MGAT5B: variants seen among roughly 807,000 people sequenced by gnomAD.
MGAT5B encodes the protein N-acetylglucosaminyl-transferase Vb.
MGAT5B carries 54 observed loss-of-function variants against 95.1 expected under a neutral mutation model. That is an observed-to-expected ratio of 0.57 (90% CI 0.46 to 0.71). The LOEUF (loss-of-function observed/expected upper bound fraction) is 0.71, where lower values mean the gene tolerates loss of function less well. Ranked by LOEUF, MGAT5B falls within the 30% of genes least tolerant of loss-of-function variation. The probability of loss-of-function intolerance (pLI) is 0.00; values close to 1 mark genes in which losing one functional copy is unlikely to be tolerated. For synonymous variants in MGAT5B, 464 were observed against 451.0 expected (o/e 1.03, Z -0.36); for missense variants, 935 against 1,088.6 (o/e 0.86, Z 1.99).
rs763650567 is a variant in MGAT5B, at chr17:76,918,201, G to A, written c.1026-6765G>A. 7.2e-5 allele frequency among the ~76,000 whole-genome samples: 11 copies of A among 152,010 alleles called. No individual in the cohort carries two copies. Among genetic ancestry groups the A allele is most frequent in the East Asian group, 1.9e-4 (1 of 5,150 alleles). On this transcript the variant is annotated intron_variant, in intron 8 of 17. Transcript: ENST00000569840. The surrounding 1 kb of genome is among the most constrained non-coding windows in gnomAD (Gnocchi z 5.1). ...GGAGGCTCCCCCCCAACAACTGCAC[G>A]CCTTGTACCGCACCCCCACCCCCGC...
At position 76,896,090 on chromosome 17, in the gene MGAT5B, G is replaced by A. The variant is rs571695949; in HGVS notation, c.330-6465G>A. Among the ~76,000 whole-genome samples, 24 of 152,312 alleles carry A rather than the reference G, an allele frequency of 1.6e-4. No homozygotes were observed. In the South Asian group the frequency reaches 3.7e-3, roughly 24 times the overall value. Reference sequence around the variant, plus strand: ...GGCCCTGTGTTCCCCAGACCACATAGGCTGAAGGCCATTGGCCACCATCCC... The same window carrying A: ...GGCCCTGTGTTCCCCAGACCACATAAGCTGAAGGCCATTGGCCACCATCCC... On this transcript the variant is annotated intron_variant, in intron 3 of 17. Transcript: ENST00000569840.
intron 10 of MGAT5B, among the ~76,000 whole-genome samples, chr17:76,929,639 G>A (rs904255120): frequency 2.6e-5 from 4 of 152,246 alleles, no homozygotes; most frequent in Admixed American, 1.3e-4. Context: ...TGGATAAATC[G>A]AAGAAAGTGG....
At chr17:76,876,720 G>A (rs1449269232) in intron 2 of MGAT5B, among the ~76,000 whole-genome samples, 1 of 152,198 alleles carries the variant, frequency 6.6e-6, no homozygotes, top group African/African-American at 2.4e-5. Flanking sequence ...GTACTTTGGG[G>A]ATGAAATGTG....
intron 12 of MGAT5B, among the ~76,000 whole-genome samples, chr17:76,937,444 GGGAT>G (rs1969712474): frequency 6.6e-6 from 1 of 151,970 alleles, no homozygotes; most frequent in East Asian, 1.9e-4. Flanking sequence ...ATGTTTGAGA[GGGAT>G]GGATGGGTGA....
chr17:76,932,729 C>T lies in MGAT5B; in HGVS notation c.1376C>T (p.Ala459Val), dbSNP rs748366803. The change falls in exon 11 of 18, where the codon GCC becomes GTC. Residue 459 changes from alanine to valine, a missense_variant. This residue lies in a region of MGAT5B where 440 missense variants were observed against 523.6 expected (regional missense o/e 0.84). Coordinates refer to ENST00000569840, the MANE Select transcript of MGAT5B (RefSeq NM_001199172.2). The part of the protein sequence containing the change: ...TEKRLIKGGK[A>V]SNMAVVYGKE... ...AAGCGGCTCATCAAAGGCGGCAAGG[C>T]CAGCAACATGGCCGTGGTGTACGGC... The T allele has an allele frequency of 6.2e-7, 1 of 1,613,934 alleles. No individual in the cohort carries two copies. The highest frequency in any genetic ancestry group is 8.5e-7 in the Non-Finnish European group (1 of 1,179,942).
Position 76,938,064 on chromosome 17 carries a change from C to T in MGAT5B, c.1505C>T (p.Pro502Leu). 6.2e-7 allele frequency: 1 copy of T among 1,614,268 alleles called. No homozygotes were observed. The highest frequency in any genetic ancestry group is 8.5e-7 in the Non-Finnish European group (1 of 1,180,052). The change falls in exon 13 of 18, where the codon CCC (proline) becomes CTC (leucine). Residue 502 changes from proline (P) to leucine (L), a missense_variant. By Grantham distance (98) the Pro-to-Leu change is moderately conservative (BLOSUM62 -3). Coordinates refer to ENST00000569840, the MANE Select transcript of MGAT5B (RefSeq NM_001199172.2). The surrounding 1 kb of genome is among the most constrained non-coding windows in gnomAD (Gnocchi z 4.3). ...HGTVYYESQR[P>L]PEVPAFVKNH... is the part of the protein sequence containing the mutation. ...ACCGTGTACTACGAGAGCCAGCGGC[C>T]CCCCGAGGTGCCAGCCTTTGTGAAG...
intron 2 of MGAT5B, among the ~76,000 whole-genome samples, chr17:76,876,692 T>C (rs986279185): frequency 6.6e-6 from 1 of 152,182 alleles, no homozygotes; most frequent in Non-Finnish European, 1.5e-5. Flanking sequence ...TGCCTGTTTA[T>C]ACTTCATGAT....
rs1968532138 is a variant in MGAT5B, at chr17:76,906,427, C to T, written c.1025+240C>T. Among the ~76,000 whole-genome samples the T allele has an allele frequency of 6.6e-6, 1 of 152,374 alleles. No homozygotes were observed. The highest frequency in any genetic ancestry group is 6.5e-5 in the Admixed American group (1 of 15,310). Reference sequence around the variant, plus strand: ...TTTGCATAGCGCTGTCTGGCCAGGGCCTGGCTCCTTCTCTGGTGTTTCTGC... The same window carrying T: ...TTTGCATAGCGCTGTCTGGCCAGGGTCTGGCTCCTTCTCTGGTGTTTCTGC... On this transcript the variant is annotated intron_variant, in intron 8 of 17. Coordinates refer to ENST00000569840, the MANE Select transcript of MGAT5B (RefSeq NM_001199172.2). The surrounding 1 kb of genome is among the most constrained non-coding windows in gnomAD (Gnocchi z 4.6).
rs142499529 is a variant in MGAT5B at position 76,923,088 on chromosome 17, T to A, written c.1026-1878T>A. Among the ~76,000 whole-genome samples the A allele has an allele frequency of 1.7e-3, 253 of 152,292 alleles. 1 individual carries two copies. The highest frequency in any genetic ancestry group is 5.7e-3 in the African/African-American group (238 of 41,572). On this transcript the variant is annotated intron_variant, in intron 8 of 17. Coordinates refer to ENST00000569840, the MANE Select transcript of MGAT5B (RefSeq NM_001199172.2). ...TGTCGGCAGGTGACCAGAAACATCA[T>A]CGACACGGCACCACTTTGGACGGTG...
Position 76,940,989 on chromosome 17 carries a change from CAG to C in MGAT5B, c.1848+143_1848+144del, listed in dbSNP as rs1342307663. On this transcript the variant is annotated intron_variant, in intron 15 of 17. Transcript: ENST00000569840. The surrounding 1 kb of genome is among the most constrained non-coding windows in gnomAD (Gnocchi z 4.3). ...CAAAGGTGTCCATCCCTCCCCTGGT[CAG>C]ACACAGCCCTGAGCCAGGGCATGTG... 3.1e-6 allele frequency: 2 copies of C among 645,210 alleles called. No homozygotes were observed. The highest frequency in any genetic ancestry group is 1.8e-5 in the African/African-American group (1 of 55,374). 40.0% of individuals were successfully genotyped at this position (645,210 alleles called of 1,614,324 possible).
At chr17:76,909,738 G>A (rs1369499226) in intron 8 of MGAT5B, among the ~76,000 whole-genome samples, 1 of 152,236 alleles carries the variant, frequency 6.6e-6, no homozygotes, top group East Asian at 1.9e-4. Flanking sequence ...GTATTGAGTA[G>A]TGGGAGAAGG....
At chr17:76,934,685 G>C (rs933920219) in intron 12 of MGAT5B, among the ~76,000 whole-genome samples, 1 of 152,208 alleles carries the variant, frequency 6.6e-6, no homozygotes, top group Non-Finnish European at 1.5e-5. Context: ...AAGAGAATGA[G>C]AGGTTATGAA....
rs1968549268 is a variant in MGAT5B at position 76,906,877 on chromosome 17, A to G, written c.1025+690A>G. Among the ~76,000 whole-genome samples, 1 of 152,090 alleles carries G rather than the reference A, an allele frequency of 6.6e-6. No individual in the cohort carries two copies. The highest frequency in any genetic ancestry group is 2.1e-4 in the South Asian group (1 of 4,810). On this transcript the variant is annotated intron_variant, in intron 8 of 17. Transcript: ENST00000569840. This position sits in a 1 kb window ranked among gnomAD's most constrained non-coding sequence, Gnocchi z 4.6. The stretch of plus-strand genomic sequence containing the variant: ...TTATTGTAAGATATATGATGCATAC[A>G]AAGTCTATGTAAAGTATGTTGTGAA...
chr17:76,922,455 C>A (rs1969149962), intron 8 of MGAT5B, among the ~76,000 whole-genome samples: 1 of 152,168 alleles, frequency 6.6e-6, no homozygotes, highest in African/African-American at 2.4e-5. Context: ...CTTTCTGGGC[C>A]ATCAGTTTTA....
At chr17:76,897,252 C>T (rs567750072) in intron 3 of MGAT5B, among the ~76,000 whole-genome samples, 1 of 152,128 alleles carries the variant, frequency 6.6e-6, no homozygotes, top group Non-Finnish European at 1.5e-5. Context: ...AAAACCATTT[C>T]CCCTCAGTTC....
intron 2 of MGAT5B, among the ~76,000 whole-genome samples, chr17:76,881,219 T>G (rs1010238934): frequency 4.6e-5 from 7 of 152,170 alleles, no homozygotes; most frequent in African/African-American, 1.7e-4. Flanking sequence ...AAGGAAGCCG[T>G]GGAGGACTGC....
rs33966966 is a variant in MGAT5B, at chr17:76,926,624, C to T, written c.1185C>T (p.Phe395=). 0.18 allele frequency: 297,396 copies of T among 1,612,142 alleles called. 30,010 individuals carry two copies. The highest frequency in any genetic ancestry group is 0.41 in the East Asian group (18,443 of 44,844). ...GCCGAATCAGGGTCATCGACACCTT[C>T]GGGACGGAACCTGCGTACAACCACG... The part of the protein sequence containing the change: ...YRCRIRVIDT[F]GTEPAYNHEE... Residue 395 remains phenylalanine, a synonymous_variant, in exon 10 of 18, where the codon TTC becomes TTT. Coordinates refer to ENST00000569840, the MANE Select transcript of MGAT5B (RefSeq NM_001199172.2).
Position 76,889,984 on chromosome 17 carries a change from G to A in MGAT5B, c.329+7686G>A, listed in dbSNP as rs1394730206. On this transcript the variant is annotated intron_variant, in intron 3 of 17. Coordinates refer to ENST00000569840, the MANE Select transcript of MGAT5B (RefSeq NM_001199172.2). The surrounding 1 kb of genome is among the most constrained non-coding windows in gnomAD (Gnocchi z 4.4). ...CAGCTTTTCTGTTGAAGGCAGGGCG[G>A]GACCAGAGACCTTCACTCCCCTACT... 1.3e-5 allele frequency among the ~76,000 whole-genome samples: 2 copies of A among 152,226 alleles called. No individual in the cohort carries two copies. The highest frequency in any genetic ancestry group is 2.9e-5 in the Non-Finnish European group (2 of 68,032).
In MGAT5B at chr17:76,906,095, A is replaced by C; in HGVS notation, c.933A>C (p.Leu311=). 4 of 1,607,266 alleles carry C rather than the reference A, an allele frequency of 2.5e-6. No individual in the cohort carries two copies. Among genetic ancestry groups the C allele is most frequent in the Non-Finnish European group, 3.4e-6 (4 of 1,177,488 alleles). Residue 311 remains leucine, a synonymous_variant, in exon 8 of 18, where the codon CTA becomes CTC. Coordinates refer to ENST00000569840, the MANE Select transcript of MGAT5B (RefSeq NM_001199172.2). This position sits in a 1 kb window ranked among gnomAD's most constrained non-coding sequence, Gnocchi z 4.6. ...CTCGGGTCCTGAAGGGCGGGCCCCT[A>C]GGGGAGATGGTGCAGTGGGCGGACA... is the stretch of plus-strand genomic sequence containing the variant. The part of the protein sequence containing the change: ...FSPRVLKGGP[L]GEMVQWADIL...
Sources: gnomAD v4.1 joint callset for allele counts (sites outside exome capture counted in the v4.1 genomes callset) on GRCh38, gnomAD v4.1.1 for gene constraint, gnomAD v4.1.1 regional missense constraint, Gnocchi (gnomAD v3.1) non-coding constraint, MANE v1.5 for transcripts, NCBI Gene and HGNC (gene_info 2026-07-23, HGNC 2026-07-21) for gene names.